Variants in KLHL5 observed in about 807,000 individuals in gnomAD.
KLHL5 encodes kelch like family member 5, also known as kelch-like protein 5.
In KLHL5, 48 loss-of-function variants were observed where a neutral mutation model predicts 77.7. That is an observed-to-expected ratio of 0.62 (90% CI 0.49 to 0.79). KLHL5 has a LOEUF of 0.79. Ranked by LOEUF, KLHL5 falls within the 30% of genes least tolerant of loss-of-function variation. The probability of loss-of-function intolerance (pLI) is 0.00; values close to 1 mark genes in which losing one functional copy is unlikely to be tolerated. For missense variants in KLHL5, 723 were observed against 859.7 expected (o/e 0.84, Z 1.99); for synonymous variants, 260 against 297.0 (o/e 0.88, Z 1.28).
At position 39,063,084 on chromosome 4, in the gene KLHL5, A is replaced by G. The variant is rs3733272; in HGVS notation, c.383+49A>G. ...AAAAGGGGTGTGGGGGTATGGCTCT[A>G]TAATGTTTTTAAATAATTTAGTATT... On this transcript the variant is annotated intron_variant, in intron 1 of 10. Coordinates refer to ENST00000504108, the MANE Select transcript of KLHL5 (RefSeq NM_015990.5). 3.9e-4 allele frequency: 541 copies of G among 1,373,428 alleles called. 4 individuals carry two copies. In the East Asian group the frequency reaches 0.012, roughly 31 times the overall value. The allele number at this position is 1,373,428 out of a possible 1,614,324, so 85.1% of individuals were successfully genotyped here. A position where few individuals can be genotyped will look rare whatever the true frequency, so the allele number is the denominator to read the frequency against.
At chr4:39,080,956 T>G in intron 2 of KLHL5, 147 bp from the exon 3 acceptor site, 5 of 689,866 alleles carry the variant, frequency 7.2e-6, no homozygotes, top group Non-Finnish European at 1.1e-5. Context: ...AGGAAGGAAC[T>G]AGAGCATAAA....
At chr4:39,103,552 C>T in intron 7 of KLHL5, 41 bp downstream of exon 7, 1 of 1,484,598 alleles carries the variant, frequency 6.7e-7, no homozygotes, top group Non-Finnish European at 9.4e-7. Context: ...TATCACATAG[C>T]TCCCACGGCA....
At chr4:39,078,726 A>G (rs952688258) in intron 2 of KLHL5, among the ~76,000 whole-genome samples, 1 of 152,026 alleles carries the variant, frequency 6.6e-6, no homozygotes, top group African/African-American at 2.4e-5. Flanking sequence ...GAATGATACA[A>G]TGGACTTTGG....
chr4:39,095,370 G>A (rs939581163), intron 5 of KLHL5, among the ~76,000 whole-genome samples: 4 of 152,050 alleles, frequency 2.6e-5, no homozygotes, highest in African/African-American at 9.7e-5. Context: ...GGCTATAATG[G>A]AATGTGAGCC....
At chr4:39,118,242 C>T (rs375130763) in intron 10 of KLHL5, among the ~76,000 whole-genome samples, 13 of 152,046 alleles carry the variant, frequency 8.6e-5, no homozygotes, top group East Asian at 7.7e-4. Flanking sequence ...CTGGTATTTT[C>T]GCACTGTACA....
intron 6 of KLHL5, among the ~76,000 whole-genome samples, chr4:39,097,617 GAC>G (rs1721180231): frequency 6.6e-6 from 1 of 152,164 alleles, no homozygotes; most frequent in South Asian, 2.1e-4. Context: ...TAAGTTGAGA[GAC>G]AGTCTACAAA....
At chr4:39,115,438 AATATGACAATCACGTTTTGATTAGCG>A (rs1385742280) in intron 10 of KLHL5, 108 bp downstream of exon 10, 1 of 1,549,582 alleles carries the variant, frequency 6.5e-7, no homozygotes, top group South Asian at 1.2e-5. Flanking sequence ...ATATGGCATA[AATATGACAATCACGTTTTGATTAGCG>A]ATGAGAAAAA....
chr4:39,093,716 G>T (rs1317925355), intron 5 of KLHL5, among the ~76,000 whole-genome samples: 1 of 152,136 alleles, frequency 6.6e-6, no homozygotes, highest in East Asian at 1.9e-4. Flanking sequence ...GACCAGCCTA[G>T]CCAACATGGT....
At chr4:39,054,539 A>G (rs539852385) in intron 1 of KLHL5, among the ~76,000 whole-genome samples, 1 of 152,202 alleles carries the variant, frequency 6.6e-6, no homozygotes, top group African/African-American at 2.4e-5. Context: ...CCGTTACTCA[A>G]TACTTAGATG....
rs564227674 is a variant in KLHL5 at position 39,081,870 on chromosome 4, T to C, written c.704-93T>C. 1 of 881,884 alleles carries C rather than the reference T, an allele frequency of 1.1e-6. No homozygotes were observed. Among genetic ancestry groups the C allele is most frequent in the South Asian group, 2.2e-5 (1 of 46,422 alleles). The allele number at this position is 881,884 out of a possible 1,614,324, so 54.6% of individuals were successfully genotyped here. A position where few individuals can be genotyped will look rare whatever the true frequency, so the allele number is the denominator to read the frequency against. On this transcript the variant is annotated intron_variant, in intron 3 of 10. Transcript: ENST00000504108. This position sits in a 1 kb window ranked among gnomAD's most constrained non-coding sequence, Gnocchi z 4.3. Reference sequence around the variant, plus strand: ...TAGGTCTGTAATGCATGTAATGAGCTCTTATATGGAACCACTACTGTTAAC... The same window carrying C: ...TAGGTCTGTAATGCATGTAATGAGCCCTTATATGGAACCACTACTGTTAAC...
intron 5 of KLHL5, among the ~76,000 whole-genome samples, chr4:39,094,666 C>T (rs1577705990): frequency 6.9e-6 from 1 of 145,706 alleles, no homozygotes; most frequent in African/African-American, 2.8e-5. Flanking sequence ...ATCGATAGAA[C>T]AGAATAAAGA....
At position 39,113,136 on chromosome 4, in the gene KLHL5, T is replaced by G. The variant is rs1162172553; in HGVS notation, c.1805T>G (p.Val602Gly). 6.2e-7 allele frequency: 1 copy of G among 1,614,096 alleles called. No homozygotes were observed. Among genetic ancestry groups the G allele is most frequent in the African/African-American group, 1.3e-5 (1 of 75,032 alleles). Residue 602 changes from valine to glycine, a missense_variant, in exon 9 of 11, where the codon GTA (valine) becomes GGA (glycine). Physicochemically the swap from Val to Gly is moderately radical, Grantham distance 109. This residue lies in a region of KLHL5 where 214 missense variants were observed against 237.4 expected (regional missense o/e 0.90). Coordinates refer to ENST00000504108, the MANE Select transcript of KLHL5 (RefSeq NM_015990.5). Reference sequence around the variant, plus strand: ...CAGATGTCAAAAAGGAGAGGTGGCGTAGGAGTGACGACCTGGAATGGACTG... The same window carrying G: ...CAGATGTCAAAAAGGAGAGGTGGCGGAGGAGTGACGACCTGGAATGGACTG... ...CAQMSKRRGGVGVTTWNGLLY... is the reference protein window; with the variant it reads ...CAQMSKRRGGGGVTTWNGLLY...
chr4:39,049,071 A>T (rs561006657), intron 1 of KLHL5, among the ~76,000 whole-genome samples: 1 of 152,324 alleles, frequency 6.6e-6, no homozygotes, highest in East Asian at 1.9e-4. Flanking sequence ...ATGTGCCCAG[A>T]AAGAGGAGAA....
intron 1 of KLHL5, among the ~76,000 whole-genome samples, chr4:39,048,836 G>A (rs1011673215): frequency 6.6e-6 from 1 of 151,848 alleles, no homozygotes; most frequent in African/African-American, 2.4e-5. Flanking sequence ...TAGAGACGGG[G>A]TTTCATCATG....
rs1721760566 is a variant in KLHL5 at position 39,103,324 on chromosome 4, T to C, written c.1338T>C (p.Asn446=). 1.2e-6 allele frequency: 2 copies of C among 1,614,070 alleles called. No homozygotes were observed. Among genetic ancestry groups the C allele is most frequent in the Non-Finnish European group, 8.5e-7 (1 of 1,179,990 alleles). ...TSIEKYDLRT[N]MWTPVANMNG... ...TTGAAAAGTATGATCTCCGTACAAATATGTGGACTCCAGTAGCAAATATGA... is the reference window on the plus strand; with the variant it reads ...TTGAAAAGTATGATCTCCGTACAAACATGTGGACTCCAGTAGCAAATATGA... The change falls in exon 7 of 11, where the codon AAT becomes AAC. Residue 446 remains asparagine, a synonymous_variant. Coordinates refer to ENST00000504108, the MANE Select transcript of KLHL5 (RefSeq NM_015990.5).
chr4:39,118,961 G>C (rs1029460708), intron 10 of KLHL5, among the ~76,000 whole-genome samples: 3 of 152,122 alleles, frequency 2.0e-5, no homozygotes, highest in Admixed American at 2.0e-4. Flanking sequence ...ATAAGATTGA[G>C]AGCTACAAGA....
intron 10 of KLHL5, among the ~76,000 whole-genome samples, chr4:39,118,232 C>A (rs1272170387): frequency 1.3e-5 from 2 of 152,078 alleles, no homozygotes; most frequent in African/African-American, 4.8e-5. Flanking sequence ...AGGTTGAGTT[C>A]TGGTATTTTC....
intron 5 of KLHL5, among the ~76,000 whole-genome samples, chr4:39,091,852 T>G (rs1050565737): frequency 2.1e-5 from 3 of 142,436 alleles, no homozygotes; most frequent in Non-Finnish European, 4.6e-5. Context: ...GTTTTTTTTT[T>G]TTTTTTTTTT....
intron 1 of KLHL5, among the ~76,000 whole-genome samples, chr4:39,075,662 C>T (rs1171418258): frequency 1.3e-5 from 2 of 152,024 alleles, no homozygotes; most frequent in Non-Finnish European, 2.9e-5. Context: ...ATGAATATAG[C>T]TTAGCTCTTT....
Sources: allele counts gnomAD v4.1 joint callset (sites outside exome capture counted in the v4.1 genomes callset), GRCh38; gene constraint gnomAD v4.1.1; regional missense constraint gnomAD v4.1.1; non-coding constraint Gnocchi (gnomAD v3.1); transcripts MANE v1.5; gene names NCBI Gene and HGNC (gene_info 2026-07-23, HGNC 2026-07-21).